The following RALYL variants were observed in gnomAD, a reference collection of about 807,000 sequenced individuals.
The protein encoded by RALYL is RNA-binding Raly-like protein.
RALYL carries 29 observed loss-of-function variants against 35.1 expected under a neutral mutation model. The ratio of observed to expected loss-of-function variants is 0.83; its 90% CI spans 0.61 to 1.13. RALYL has a LOEUF of 1.13. Among genes scored for constraint, RALYL ranks in the 50% most tolerant of loss-of-function variants. The pLI is 0.00. For synonymous variants in RALYL, 120 were observed against 127.6 expected (o/e 0.94, Z 0.40); for missense variants, 359 against 360.4 (o/e 1.00, Z 0.03).
intron 2 of RALYL, among the ~76,000 whole-genome samples, chr8:84,772,969 T>G (rs1156554101): frequency 6.6e-6 from 1 of 152,150 alleles, no homozygotes; most frequent in Non-Finnish European, 1.5e-5. Context: ...TAATATAGAT[T>G]TTTGTAAATC....
At position 84,876,118 on chromosome 8, in the gene RALYL, G is replaced by A. The variant is rs147620716; in HGVS notation, c.685+2721G>A. ...TTGCTCAAATAGATGTGTGTGTGGTGTCCTGTCATTTGAGATTGTTAAGTT... is the reference window on the plus strand; with the variant it reads ...TTGCTCAAATAGATGTGTGTGTGGTATCCTGTCATTTGAGATTGTTAAGTT... On this transcript the variant is annotated intron_variant, in intron 7 of 8. Coordinates refer to ENST00000521268, the MANE Select transcript of RALYL (RefSeq NM_173848.7). 2.4e-3 allele frequency among the ~76,000 whole-genome samples: 360 copies of A among 152,186 alleles called. 1 individual carries two copies. Among genetic ancestry groups the A allele is most frequent in the Non-Finnish European group, 3.7e-3 (254 of 68,008 alleles).
At chr8:84,353,902 T>C (rs916102142) in intron 1 of RALYL, among the ~76,000 whole-genome samples, 1 of 150,116 alleles carries the variant, frequency 6.7e-6, no homozygotes, top group Non-Finnish European at 1.5e-5. Flanking sequence ...AAGGATCATT[T>C]TGAGTAAGAG....
intron 2 of RALYL, among the ~76,000 whole-genome samples, chr8:84,550,224 C>CCT (rs1217671356): frequency 1.3e-5 from 2 of 151,486 alleles, no homozygotes; most frequent in Non-Finnish European, 2.9e-5. Context: ...TATCCTTCTC[C>CCT]CTCTCTCTCC....
At chr8:84,603,525 G>A (rs1278710854) in intron 2 of RALYL, among the ~76,000 whole-genome samples, 5 of 151,972 alleles carry the variant, frequency 3.3e-5, no homozygotes. Flanking sequence ...GGCCTCTGAG[G>A]TAGGTGTGAG....
intron 3 of RALYL, among the ~76,000 whole-genome samples, chr8:84,776,715 T>G (rs1816932002): frequency 6.6e-6 from 1 of 152,212 alleles, no homozygotes; most frequent in Non-Finnish European, 1.5e-5. Flanking sequence ...AATTTTCATA[T>G]TTTCTCTTTT....
chr8:84,660,069 G>A (rs1830628741), intron 2 of RALYL, among the ~76,000 whole-genome samples: 1 of 152,084 alleles, frequency 6.6e-6, no homozygotes, highest in African/African-American at 2.4e-5. Flanking sequence ...CGAATATTTG[G>A]TAGGTGGTTA....
rs183742481 is a variant in RALYL, at chr8:84,847,132, G to A, written c.366-2848G>A. Among the ~76,000 whole-genome samples the A allele has an allele frequency of 2.2e-4, 34 of 152,310 alleles. 2 individuals are homozygous for A. The highest frequency in any genetic ancestry group is 6.5e-4 in the Admixed American group (10 of 15,294). On this transcript the variant is annotated intron_variant, in intron 4 of 8. Transcript: ENST00000521268. ...GCACCTGTGGCCATGTCTTGCTGCC[G>A]CTGCCCCCTACACAAAATCCCTTGG... is the stretch of plus-strand genomic sequence containing the variant.
At chr8:84,371,685 G>T (rs999259649) in intron 1 of RALYL, among the ~76,000 whole-genome samples, 5 of 152,040 alleles carry the variant, frequency 3.3e-5, no homozygotes, top group South Asian at 4.2e-4. Flanking sequence ...ATACTGTGCT[G>T]TGATATACAC....
At chr8:84,710,014 T>C (rs551787296) in intron 2 of RALYL, among the ~76,000 whole-genome samples, 2 of 152,106 alleles carry the variant, frequency 1.3e-5, no homozygotes, top group African/African-American at 4.8e-5. Context: ...TGAGCCAAGA[T>C]TGCACCACTG....
At chr8:84,630,207 G>A (rs1823619277) in intron 2 of RALYL, among the ~76,000 whole-genome samples, 1 of 151,984 alleles carries the variant, frequency 6.6e-6, no homozygotes, top group Non-Finnish European at 1.5e-5. Flanking sequence ...TCTGAAAATG[G>A]AATATTTGAC....
intron 1 of RALYL, among the ~76,000 whole-genome samples, chr8:84,384,795 A>G (rs879659107): frequency 2.6e-5 from 4 of 151,796 alleles, no homozygotes; most frequent in Non-Finnish European, 5.9e-5. Flanking sequence ...TTTTAAGGAG[A>G]TGATAGCAAT....
At chr8:84,225,277 A>G (rs568215692) in intron 1 of RALYL, among the ~76,000 whole-genome samples, 1 of 152,320 alleles carries the variant, frequency 6.6e-6, no homozygotes, top group South Asian at 2.1e-4. Flanking sequence ...ATTAGTTGAA[A>G]TAGTCTCCTT....
intron 2 of RALYL, among the ~76,000 whole-genome samples, chr8:84,717,887 C>T (rs552109730): frequency 2.6e-5 from 4 of 152,154 alleles, no homozygotes; most frequent in South Asian, 2.1e-4. Context: ...ACTTAATAAC[C>T]GTACAGTTTC....
intron 3 of RALYL, among the ~76,000 whole-genome samples, chr8:84,783,077 A>G (rs1175161785): frequency 6.6e-6 from 1 of 152,162 alleles, no homozygotes; most frequent in African/African-American, 2.4e-5. Flanking sequence ...TTCTCAATCT[A>G]TCCCTGTATT....
intron 1 of RALYL, among the ~76,000 whole-genome samples, chr8:84,431,019 AG>A (rs1269684351): frequency 6.6e-6 from 1 of 152,132 alleles, no homozygotes; most frequent in Non-Finnish European, 1.5e-5. Flanking sequence ...TCTTCTGTAA[AG>A]TAGGGCACTA....
intron 7 of RALYL, among the ~76,000 whole-genome samples, chr8:84,882,994 A>T (rs1842415396): frequency 6.6e-6 from 1 of 152,048 alleles, no homozygotes; most frequent in African/African-American, 2.4e-5. Context: ...TTCATGTGTG[A>T]TTTTATTCAT....
intron 1 of RALYL, among the ~76,000 whole-genome samples, chr8:84,414,186 T>G (rs184833277): frequency 2.6e-5 from 4 of 152,284 alleles, no homozygotes; most frequent in African/African-American, 9.6e-5. Context: ...TAAATTTTCA[T>G]GAAAACCATT....
chr8:84,697,241 A>G (rs1564392639), intron 2 of RALYL, among the ~76,000 whole-genome samples: 1 of 152,008 alleles, frequency 6.6e-6, no homozygotes, highest in Non-Finnish European at 1.5e-5. Flanking sequence ...TGAAATTGAT[A>G]TTTTTTAAAG....
chr8:84,603,354 A>T (rs779288598), intron 2 of RALYL, among the ~76,000 whole-genome samples: 1 of 152,108 alleles, frequency 6.6e-6, no homozygotes, highest in African/African-American at 2.4e-5. Context: ...TTACCTAAAA[A>T]GCTTCCTCCT....
Sources: gnomAD v4.1 joint callset for allele counts (sites outside exome capture counted in the v4.1 genomes callset) on GRCh38, gnomAD v4.1.1 for gene constraint, MANE v1.5 for transcripts, NCBI Gene and HGNC (gene_info 2026-07-23, HGNC 2026-07-21) for gene names.